The following TMEM132B variants were observed in gnomAD, a reference collection of about 807,000 sequenced individuals.
The protein encoded by TMEM132B is transmembrane protein 132B.
In TMEM132B, 18 loss-of-function variants were observed where a neutral mutation model predicts 90.8. The ratio of observed to expected loss-of-function variants is 0.20; its 90% confidence interval spans 0.14 to 0.29. TMEM132B has a LOEUF of 0.29. Ranked by LOEUF, TMEM132B falls within the 10% of genes least tolerant of loss-of-function variation. TMEM132B has a pLI of 1.00. For missense variants in TMEM132B, 1,096 were observed against 1,326.8 expected (o/e 0.83, Z 2.70); for synonymous variants, 504 against 523.3 (o/e 0.96, Z 0.50).
At chr12:125,480,143 A>G (rs1043024619) in intron 3 of TMEM132B, among the ~76,000 whole-genome samples, 3 of 152,228 alleles carry the variant, frequency 2.0e-5, no homozygotes, top group South Asian at 4.1e-4. Context: ...CTAAATGCCC[A>G]CAAGAGAAAG....
At chr12:125,600,562 T>C (rs1885544549) in intron 5 of TMEM132B, among the ~76,000 whole-genome samples, 1 of 152,226 alleles carries the variant, frequency 6.6e-6, no homozygotes. Flanking sequence ...GCATATTAAC[T>C]GAGTAAATGA....
At chr12:125,502,540 T>C (rs1436851732) in intron 3 of TMEM132B, among the ~76,000 whole-genome samples, 2 of 152,184 alleles carry the variant, frequency 1.3e-5, no homozygotes, top group East Asian at 3.8e-4. Flanking sequence ...TTGAAACTAG[T>C]CACCTGGGCC....
intron 3 of TMEM132B, among the ~76,000 whole-genome samples, chr12:125,442,067 C>T (rs1402276327): frequency 6.6e-6 from 1 of 152,224 alleles, no homozygotes; most frequent in African/African-American, 2.4e-5. Context: ...TTTCTCCCCT[C>T]TTTTGGATTC....
intron 2 of TMEM132B, among the ~76,000 whole-genome samples, chr12:125,377,172 T>TG (rs1340990221): frequency 2.0e-5 from 3 of 152,154 alleles, no homozygotes; most frequent in African/African-American, 4.8e-5. Context: ...AGGTGGGTAG[T>TG]GGGGAACATG....
chr12:125,582,803 G>A (rs921264380), intron 4 of TMEM132B, among the ~76,000 whole-genome samples: 1 of 152,038 alleles, frequency 6.6e-6, no homozygotes, highest in Non-Finnish European at 1.5e-5. Context: ...CCCCATACAG[G>A]AGCTGTTTTT....
chr12:125,528,235 G>A (rs1227982960), intron 4 of TMEM132B, among the ~76,000 whole-genome samples: 1 of 151,996 alleles, frequency 6.6e-6, no homozygotes, highest in Non-Finnish European at 1.5e-5. Context: ...TGAGCTTAGA[G>A]CTTTATTTCC....
intron 1 of TMEM132B, among the ~76,000 whole-genome samples, chr12:125,323,888 G>A (rs968863766): frequency 8.5e-5 from 13 of 152,238 alleles, no homozygotes; most frequent in East Asian, 7.7e-4. Context: ...AAAGGAGCTC[G>A]TGTATATAAA....
At chr12:125,488,633 C>A (rs1593170898) in intron 3 of TMEM132B, among the ~76,000 whole-genome samples, 1 of 152,220 alleles carries the variant, frequency 6.6e-6, no homozygotes. Context: ...GATTGTGAGG[C>A]CTCCCCAGCC....
intron 2 of TMEM132B, among the ~76,000 whole-genome samples, chr12:125,401,190 G>C (rs770724942): frequency 1.3e-5 from 2 of 152,156 alleles, no homozygotes; most frequent in Non-Finnish European, 2.9e-5. Context: ...ATCCAGAGAC[G>C]GATGACACCT....
Position 125,650,939 on chromosome 12 carries a change from A to G in TMEM132B, c.1900A>G (p.Ile634Val). ...GACCCTGGCTGGTCGGGAGCCGGGA[A>G]TAACCACGGTGCAGGTACACGCCGC... Reference protein sequence around the residue: ...GRTLAGREPGITTVQVLSPLS... With the variant: ...GRTLAGREPGVTTVQVLSPLS... The change falls in exon 7 of 9, where the codon ATA (isoleucine) becomes GTA (valine). Residue 634 changes from isoleucine to valine, a missense_variant. Coordinates refer to ENST00000682704, the MANE Select transcript of TMEM132B (RefSeq NM_001366854.1). 6.2e-7 allele frequency: 1 copy of G among 1,612,450 alleles called. No individual in the cohort carries two copies.
At chr12:125,546,643 A>G (rs1048155879) in intron 4 of TMEM132B, among the ~76,000 whole-genome samples, 1 of 152,132 alleles carries the variant, frequency 6.6e-6, no homozygotes, top group Non-Finnish European at 1.5e-5. Context: ...CTCTTTATGG[A>G]TGAGTAGTAT....
In TMEM132B at chr12:125,391,746, C is replaced by T. The variant is rs541529676; in HGVS notation, c.960-23785C>T. Among the ~76,000 whole-genome samples the T allele has an allele frequency of 2.2e-3, 342 of 152,228 alleles. 2 individuals carry two copies. The highest frequency in any genetic ancestry group is 7.7e-3 in the African/African-American group (318 of 41,532). On this transcript the variant is annotated intron_variant, in intron 2 of 8. Coordinates refer to ENST00000682704, the MANE Select transcript of TMEM132B (RefSeq NM_001366854.1). ...TACAAAACCTCAGGAGGGATTCCCT[C>T]CAGTTAAATTAAATTAAATTAATTA...
chr12:125,439,459 G>A (rs58101682), intron 3 of TMEM132B, among the ~76,000 whole-genome samples: 1 of 152,082 alleles, frequency 6.6e-6, no homozygotes, highest in African/African-American at 2.4e-5. Flanking sequence ...TCCTGATTTG[G>A]CTCTTGGCTT....
chr12:125,217,882 C>T (rs558048859), intron 1 of TMEM132B, among the ~76,000 whole-genome samples: 13 of 152,324 alleles, frequency 8.5e-5, no homozygotes, highest in Non-Finnish European at 1.5e-4. Context: ...TGCAAAATGT[C>T]TTAATAATGA....
intron 3 of TMEM132B, among the ~76,000 whole-genome samples, chr12:125,495,029 A>C (rs1369644914): frequency 2.5e-4 from 11 of 43,646 alleles, no homozygotes; most frequent in Admixed American, 3.2e-4. Flanking sequence ...GAAGAAATGG[A>C]TGCGTCCCTC....
At chr12:125,324,238 AC>A (rs1876500670) in intron 1 of TMEM132B, among the ~76,000 whole-genome samples, 1 of 152,222 alleles carries the variant, frequency 6.6e-6, no homozygotes, top group South Asian at 2.1e-4. Flanking sequence ...AAATATATTG[AC>A]AAACAGATTA....
chr12:125,411,758 G>A (rs1304902290), intron 2 of TMEM132B, among the ~76,000 whole-genome samples: 2 of 152,046 alleles, frequency 1.3e-5, no homozygotes, highest in African/African-American at 4.8e-5. Context: ...CCACCCAGAC[G>A]GCAACCCGGA....
intron 2 of TMEM132B, among the ~76,000 whole-genome samples, chr12:125,358,530 A>AT (rs1877858985): frequency 6.6e-6 from 1 of 151,444 alleles, no homozygotes; most frequent in South Asian, 2.1e-4. Flanking sequence ...TTCTTTTTAT[A>AT]TTTTTTTCTA....
chr12:125,442,679 G>C (rs1267000842), intron 3 of TMEM132B, among the ~76,000 whole-genome samples: 2 of 152,196 alleles, frequency 1.3e-5, no homozygotes, highest in African/African-American at 4.8e-5. Context: ...CGATGATCAG[G>C]TATCAGATAA....
Sources: gnomAD v4.1 joint callset for allele counts (sites outside exome capture counted in the v4.1 genomes callset) on GRCh38, gnomAD v4.1.1 for gene constraint, MANE v1.5 for transcripts, NCBI Gene and HGNC (gene_info 2026-07-23, HGNC 2026-07-21) for gene names.